RBFA: variants seen among roughly 807,000 people sequenced by gnomAD.
RBFA encodes putative ribosome-binding factor A, mitochondrial.
RBFA carries 16 observed loss-of-function variants against 27.9 expected under a neutral mutation model. That is an observed-to-expected ratio of 0.57 (90% CI 0.39 to 0.87). RBFA has a LOEUF of 0.87. RBFA is among the 40% of genes least tolerant of loss of function. RBFA has a pLI of 0.00. For synonymous variants in RBFA, 181 were observed against 181.0 expected, an observed-to-expected ratio of 1.00 and a Z score of 0.00; for missense variants, 456 against 432.1, an observed-to-expected ratio of 1.06 and a Z score of -0.49.
chr18:80,038,462 C>T (rs2051995561), intron 3 of RBFA, 43 bp from the exon 4 acceptor site: 1 of 1,340,390 alleles, frequency 7.5e-7, no homozygotes, highest in African/African-American at 1.5e-5. Flanking sequence ...TCTTGAAAAC[C>T]CATGTAAGCT....
chr18:80,048,327 G>A lies in RBFA; in HGVS notation c.*2172G>A, dbSNP rs185003559. 1 of 153,492 alleles carries A rather than the reference G, an allele frequency of 6.5e-6. No homozygotes were observed. Among genetic ancestry groups the A allele is most frequent in the African/African-American group, 2.4e-5 (1 of 41,590 alleles). 9.5% of individuals were successfully genotyped at this position (153,492 alleles called of 1,614,324 possible). A position where few individuals can be genotyped will look rare whatever the true frequency, so the allele number is the denominator to read the frequency against. On this transcript the variant is annotated 3_prime_UTR_variant, in exon 7 of 7. Coordinates refer to ENST00000306735, the MANE Select transcript of RBFA (RefSeq NM_024805.3). Reference sequence around the variant, plus strand: ...GGTCAGGCACTGCTCTGAGTGCTTTGTGTTAACCTGCCCCCCGCCCCCTAA... The same window carrying A: ...GGTCAGGCACTGCTCTGAGTGCTTTATGTTAACCTGCCCCCCGCCCCCTAA...
rs767238009 is a variant in RBFA, at chr18:80,038,468, A to G, written c.379-37A>G. Reference sequence around the variant, plus strand: ...TGTTGTTTGTCTTGAAAACCCATGTAAGCTAAAAAGTGACCTGTGGAGGGG... The same window carrying G: ...TGTTGTTTGTCTTGAAAACCCATGTGAGCTAAAAAGTGACCTGTGGAGGGG... On this transcript the variant is annotated intron_variant, in intron 3 of 6. Transcript: ENST00000306735. 158 of 1,411,496 alleles carry G rather than the reference A, an allele frequency of 1.1e-4. No homozygotes were observed. In the East Asian group the frequency reaches 3.0e-3, roughly 27 times the overall value. The allele number at this position is 1,411,496 out of a possible 1,614,324, so 87.4% of individuals were successfully genotyped here.
At position 80,050,306 on chromosome 18, in the gene RBFA, C is replaced by T. The variant is rs1204690586; in HGVS notation, c.*4151C>T. On this transcript the variant is annotated 3_prime_UTR_variant, in exon 7 of 7. Coordinates refer to ENST00000306735, the MANE Select transcript of RBFA (RefSeq NM_024805.3). ...CAGGAAGGGAGGGAACTGGGGAGGACAGGTCATGATCAGTGTTTCCTGATT... is the reference window on the plus strand; with the variant it reads ...CAGGAAGGGAGGGAACTGGGGAGGATAGGTCATGATCAGTGTTTCCTGATT... Among the ~76,000 whole-genome samples the T allele has an allele frequency of 6.6e-6, 1 of 152,096 alleles. No individual in the cohort carries two copies. Among genetic ancestry groups the T allele is most frequent in the Non-Finnish European group, 1.5e-5 (1 of 68,020 alleles).
At chr18:80,037,178 A>G in intron 2 of RBFA, 152 bp from the exon 3 acceptor site, 4 of 578,340 alleles carry the variant, frequency 6.9e-6, no homozygotes, top group Non-Finnish European at 9.0e-6. Flanking sequence ...CCGGTTTATA[A>G]AACTTTATCT....
rs1408119039 is a variant in RBFA at position 80,044,302 on chromosome 18, T to C, written c.650+17T>C. The C allele has an allele frequency of 1.2e-6, 2 of 1,605,186 alleles. No homozygotes were observed. The highest frequency in any genetic ancestry group is 1.7e-6 in the Non-Finnish European group (2 of 1,171,924). On this transcript the variant is annotated intron_variant, in intron 6 of 6. Coordinates refer to ENST00000306735, the MANE Select transcript of RBFA (RefSeq NM_024805.3). The stretch of plus-strand genomic sequence containing the variant: ...TGATTTCAGGTGACGCATGTGGACA[T>C]ATGTTTTGATTCCCTGGGGTACATT...
rs557575897 is a variant in RBFA at position 80,046,853 on chromosome 18, A to C, written c.*698A>C. 31 of 152,842 alleles carry C rather than the reference A, an allele frequency of 2.0e-4. No homozygotes were observed. Among genetic ancestry groups the C allele is most frequent in the Middle Eastern group, 3.4e-3 (1 of 294 alleles). The allele number at this position is 152,842 out of a possible 1,614,324, so 9.5% of individuals were successfully genotyped here. On this transcript the variant is annotated 3_prime_UTR_variant, in exon 7 of 7. Transcript: ENST00000306735. ...CCGTGGCCAGCTAGTGTATTTTCTA[A>C]TCCATCCAAAGGTGAAACAGACTTG...
intron 4 of RBFA, among the ~76,000 whole-genome samples, chr18:80,040,124 G>A (rs1464346766): frequency 6.6e-6 from 1 of 151,938 alleles, no homozygotes; most frequent in African/African-American, 2.4e-5. Flanking sequence ...TGGCCAGGCC[G>A]GGACAACTGA....
rs188863168 is a variant in RBFA, at chr18:80,042,097, C to A, written c.492-38C>A. On this transcript the variant is annotated intron_variant, in intron 4 of 6. Transcript: ENST00000306735. ...TGTCACGCCTCTCCACTGAGTGTCA[C>A]GGCACAGCTGTGAGGGTCTGTGCGT... 5.5e-4 allele frequency: 807 copies of A among 1,473,138 alleles called. 2 individuals are homozygous for A. The African/African-American group carries it at 0.01, about 19-fold the overall frequency. The allele number at this position is 1,473,138 out of a possible 1,614,324, so 91.3% of individuals were successfully genotyped here.
At chr18:80,034,977 G>A (rs763874364) in intron 1 of RBFA, 8 of 307,938 alleles carry the variant, frequency 2.6e-5, no homozygotes, top group Non-Finnish European at 4.2e-5. Context: ...TTGACTTTCT[G>A]TGTGAATTTG....
Position 80,046,370 on chromosome 18 carries a change from C to A in RBFA, c.*215C>A. ...TGTAATTTAAAAATTAAATGGCCAT[C>A]TTATCACAGATTCTCACAAAAAGAA... On this transcript the variant is annotated 3_prime_UTR_variant, in exon 7 of 7. Transcript: ENST00000306735. The A allele has an allele frequency of 1.7e-6, 1 of 577,122 alleles. No individual in the cohort carries two copies. The highest frequency in any genetic ancestry group is 3.0e-6 in the Non-Finnish European group (1 of 330,598). 35.8% of individuals were successfully genotyped at this position (577,122 alleles called of 1,614,324 possible).
Position 80,046,565 on chromosome 18 carries a change from C to G in RBFA, c.*410C>G, listed in dbSNP as rs539201424. Among the ~76,000 whole-genome samples, 2 of 152,344 alleles carry G rather than the reference C, an allele frequency of 1.3e-5. No homozygotes were observed. The highest frequency in any genetic ancestry group is 4.8e-5 in the African/African-American group (2 of 41,576). On this transcript the variant is annotated 3_prime_UTR_variant, in exon 7 of 7. Transcript: ENST00000306735. ...GAGGGTCCCCAGAGCCTCCCAACCC[C>G]CTGGAGCTGGGCTCCGTCCCTGGGG...
Position 80,044,268 on chromosome 18 carries a change from T to C in RBFA, c.633T>C (p.Phe211=). ...DFGPRDERDN[F]VQNDFRDPDA... Reference sequence around the variant, plus strand: ...GACCCCGGGATGAAAGAGACAACTTTGTACAAAATGATTTCAGGTGACGCA... The same window carrying C: ...GACCCCGGGATGAAAGAGACAACTTCGTACAAAATGATTTCAGGTGACGCA... The change falls in exon 6 of 7, where the codon TTT becomes TTC. Residue 211 remains phenylalanine (F), a synonymous_variant. Coordinates refer to ENST00000306735, the MANE Select transcript of RBFA (RefSeq NM_024805.3). 6.2e-7 allele frequency: 1 copy of C among 1,614,124 alleles called. No individual in the cohort carries two copies. Among genetic ancestry groups the C allele is most frequent in the Admixed American group, 1.7e-5 (1 of 60,028 alleles).
Position 80,045,872 on chromosome 18 carries a change from A to T in RBFA, c.749A>T (p.Glu250Val). 1 of 1,603,284 alleles carries T rather than the reference A, an allele frequency of 6.2e-7. No individual in the cohort carries two copies. Among genetic ancestry groups the T allele is most frequent in the Non-Finnish European group, 8.5e-7 (1 of 1,174,782 alleles). The change falls in exon 7 of 7, where the codon GAG (glutamate) becomes GTG (valine). Residue 250 changes from glutamate to valine, a missense_variant. Glu to Val is a moderately radical substitution (Grantham distance 121). Coordinates refer to ENST00000306735, the MANE Select transcript of RBFA (RefSeq NM_024805.3). ...DHEALNKQIM[E>V]YKRRKDKGLG... ...GAGGCGCTCAACAAGCAGATTATGG[A>T]GTACAAAAGGAGGAAAGATAAAGGG...
chr18:80,037,537 G>T (rs1411778801), intron 3 of RBFA, 31 bp downstream of exon 3: 1 of 1,576,576 alleles, frequency 6.3e-7, no homozygotes, highest in East Asian at 2.3e-5. Flanking sequence ...GAAGAAATGG[G>T]TTGAGACAGC....
In RBFA at chr18:80,034,618, C is replaced by G; in HGVS notation, c.123C>G (p.Cys41Trp). 6.2e-7 allele frequency: 1 copy of G among 1,608,686 alleles called. No homozygotes were observed. Among genetic ancestry groups the G allele is most frequent in the Non-Finnish European group, 8.5e-7 (1 of 1,178,714 alleles). The change falls in exon 1 of 7, where the codon TGC (cysteine) becomes TGG (tryptophan). Residue 41 changes from cysteine to tryptophan, a missense_variant. Physicochemically the swap from Cys to Trp is radical, Grantham distance 215 (BLOSUM62 -2). Coordinates refer to ENST00000306735, the MANE Select transcript of RBFA (RefSeq NM_024805.3). ...GACTTCACTGCTCTGCTGTCTCCTG[C>G]AAGAACTGGCTCAAGAAATTTGCCT... Reference protein sequence around the residue: ...ERGLHCSAVSCKNWLKKFASK... With the variant: ...ERGLHCSAVSWKNWLKKFASK...
rs773394174 is a variant in RBFA, at chr18:80,037,325, T to C, written c.202-5T>C. 1 of 1,612,976 alleles carries C rather than the reference T, an allele frequency of 6.2e-7. No individual in the cohort carries two copies. The highest frequency in any genetic ancestry group is 1.1e-5 in the South Asian group (1 of 91,028). On this transcript the variant is annotated splice_region_variant and splice_polypyrimidine_tract_variant and intron_variant, in intron 2 of 6. Transcript: ENST00000306735. ...CCTTGGGGTGTGCTCTTCTTCCTGATGGAGACTTACAAACCATCCAAGTTG... is the reference window on the plus strand; with the variant it reads ...CCTTGGGGTGTGCTCTTCTTCCTGACGGAGACTTACAAACCATCCAAGTTG...
intron 5 of RBFA, among the ~76,000 whole-genome samples, chr18:80,043,129 AAACATGTAAATATATAC>A (rs2052027726): frequency 6.6e-6 from 1 of 152,210 alleles, no homozygotes; most frequent in African/African-American, 2.4e-5. Flanking sequence ...TAAAGATTAA[AAACATGTAAATATATAC>A]TTCTCTGGGT....
chr18:80,034,731 C>T (rs1374713362), intron 1 of RBFA, 78 bp downstream of exon 1: 4 of 1,569,716 alleles, frequency 2.5e-6, no homozygotes, highest in East Asian at 2.4e-5. Flanking sequence ...GTCCGCTCAT[C>T]CGCGTTCTTG....
In RBFA at chr18:80,049,947, C is replaced by T. The variant is rs868100832; in HGVS notation, c.*3792C>T. Among the ~76,000 whole-genome samples, 11 of 152,228 alleles carry T rather than the reference C, an allele frequency of 7.2e-5. No individual in the cohort carries two copies. Among genetic ancestry groups the T allele is most frequent in the African/African-American group, 1.4e-4 (6 of 41,462 alleles). On this transcript the variant is annotated 3_prime_UTR_variant, in exon 7 of 7. Coordinates refer to ENST00000306735, the MANE Select transcript of RBFA (RefSeq NM_024805.3). ...GGCCAGCATTAGAACCTCTGCTCTA[C>T]GGGTGACTGCCCTGGGTTGATTTTT...
Sources: gnomAD v4.1 joint callset for allele counts (sites outside exome capture counted in the v4.1 genomes callset) on GRCh38, gnomAD v4.1.1 for gene constraint, MANE v1.5 for transcripts, NCBI Gene and HGNC (gene_info 2026-07-23, HGNC 2026-07-21) for gene names.